Variants in PDZRN4 observed in about 807,000 individuals in gnomAD.
The protein encoded by PDZRN4 is PDZ domain-containing RING finger protein 4.
Under a neutral mutation model 99.0 loss-of-function variants are expected in PDZRN4, and 70 were observed. The ratio of observed to expected loss-of-function variants is 0.71; its 90% CI spans 0.58 to 0.86. The LOEUF (loss-of-function observed/expected upper bound fraction) is 0.86. PDZRN4 is among the 40% of genes least tolerant of loss of function. The pLI, the probability that PDZRN4 is intolerant of heterozygous loss-of-function variation, is 0.00. For missense variants in PDZRN4, 1,474 were observed against 1,331.2 expected, an observed-to-expected ratio of 1.11 and a Z score of -1.67; for synonymous variants, 551 against 501.6, an observed-to-expected ratio of 1.10 and a Z score of -1.32.
At chr12:41,485,345 A>T (rs772386562) in intron 3 of PDZRN4, among the ~76,000 whole-genome samples, 1 of 152,152 alleles carries the variant, frequency 6.6e-6, no homozygotes, top group South Asian at 2.1e-4. Flanking sequence ...ACCTATCCTG[A>T]GATGACTAGA....
chr12:41,379,608 A>G (rs548645582), intron 3 of PDZRN4, among the ~76,000 whole-genome samples: 3 of 151,772 alleles, frequency 2.0e-5, no homozygotes, highest in East Asian at 3.9e-4. Flanking sequence ...TTATTTAAAT[A>G]TCTCTTGTTT....
chr12:41,307,466 T>A (rs1951578733), intron 3 of PDZRN4, among the ~76,000 whole-genome samples: 1 of 152,184 alleles, frequency 6.6e-6, no homozygotes, highest in Non-Finnish European at 1.5e-5. Flanking sequence ...ATGGCCTCAT[T>A]GAAACCTAAT....
chr12:41,309,752 G>A (rs1951594535), intron 3 of PDZRN4, among the ~76,000 whole-genome samples: 1 of 151,998 alleles, frequency 6.6e-6, no homozygotes, highest in Admixed American at 6.6e-5. Flanking sequence ...GCAGCATCAG[G>A]TAATACTGAA....
At chr12:41,490,088 G>T (rs1030254605) in intron 3 of PDZRN4, among the ~76,000 whole-genome samples, 1 of 151,972 alleles carries the variant, frequency 6.6e-6, no homozygotes, top group Non-Finnish European at 1.5e-5. Context: ...ACCAATATTT[G>T]CCTCTTATTT....
intron 5 of PDZRN4, 118 bp from the exon 6 acceptor site, chr12:41,552,538 T>G: frequency 1.6e-6 from 1 of 640,000 alleles, no homozygotes; most frequent in East Asian, 2.9e-5. Context: ...TAATTTCCAA[T>G]GTTGGGCAAT....
intron 3 of PDZRN4, among the ~76,000 whole-genome samples, chr12:41,267,587 T>C (rs561571156): frequency 2.0e-5 from 3 of 151,542 alleles, no homozygotes; most frequent in Admixed American, 2.0e-4. Context: ...CCCAGCACTT[T>C]GGGAGGCCAA....
At chr12:41,377,597 G>A (rs1409275476) in intron 3 of PDZRN4, among the ~76,000 whole-genome samples, 3 of 152,092 alleles carry the variant, frequency 2.0e-5, no homozygotes, top group Admixed American at 6.5e-5. Context: ...CCAGGAGGCG[G>A]AGCTTGCAGC....
chr12:41,193,501 G>A (rs778819291), intron 2 of PDZRN4, among the ~76,000 whole-genome samples: 3 of 152,116 alleles, frequency 2.0e-5, no homozygotes, highest in Non-Finnish European at 2.9e-5. Flanking sequence ...AATATGTAAC[G>A]ATGAGTTTGC....
intron 3 of PDZRN4, among the ~76,000 whole-genome samples, chr12:41,365,023 C>T (rs748917083): frequency 6.6e-5 from 10 of 152,032 alleles, no homozygotes; most frequent in Non-Finnish European, 1.3e-4. Flanking sequence ...TAGCAGTGAC[C>T]CACATGCCTA....
At chr12:41,220,222 G>A (rs1303948742) in intron 3 of PDZRN4, among the ~76,000 whole-genome samples, 4 of 152,102 alleles carry the variant, frequency 2.6e-5, no homozygotes, top group African/African-American at 9.7e-5. Context: ...CCAAGATCAA[G>A]TGTCGGCTGG....
intron 5 of PDZRN4, among the ~76,000 whole-genome samples, chr12:41,546,479 G>A (rs550987632): frequency 5.1e-4 from 78 of 152,224 alleles, no homozygotes; most frequent in African/African-American, 1.9e-3. Context: ...CATACTGTAC[G>A]ATCTCAGTCC....
chr12:41,344,969 A>G (rs7959175), intron 3 of PDZRN4, among the ~76,000 whole-genome samples: 58,865 of 151,808 alleles, frequency 0.39, 11,491 homozygotes, highest in African/African-American at 0.42. Flanking sequence ...AAAAGAAAAG[A>G]GCCATTAAAC....
intron 3 of PDZRN4, among the ~76,000 whole-genome samples, chr12:41,358,901 T>C (rs559596035): frequency 6.6e-6 from 1 of 152,074 alleles, no homozygotes; most frequent in East Asian, 1.9e-4. Context: ...TTCTACTGGG[T>C]TCCATTACTA....
intron 8 of PDZRN4, among the ~76,000 whole-genome samples, chr12:41,566,654 T>C (rs892622887): frequency 6.6e-6 from 1 of 152,212 alleles, no homozygotes; most frequent in Non-Finnish European, 1.5e-5. Context: ...ATAAAGATGA[T>C]ACCTGTATGC....
chr12:41,505,439 T>G (rs981483044), intron 3 of PDZRN4, among the ~76,000 whole-genome samples: 4 of 152,116 alleles, frequency 2.6e-5, no homozygotes, highest in African/African-American at 9.7e-5. Flanking sequence ...TAAAAGGCTG[T>G]GTTATCAGGA....
chr12:41,320,490 C>T (rs1951668625), intron 3 of PDZRN4, among the ~76,000 whole-genome samples: 1 of 152,162 alleles, frequency 6.6e-6, no homozygotes, highest in African/African-American at 2.4e-5. Flanking sequence ...TGTTAGAACA[C>T]AGGATAAAAC....
intron 3 of PDZRN4, among the ~76,000 whole-genome samples, chr12:41,340,492 A>T (rs1951808025): frequency 1.3e-5 from 2 of 151,912 alleles, no homozygotes; most frequent in Non-Finnish European, 2.9e-5. Flanking sequence ...AAATATAATT[A>T]GATGTAATGA....
chr12:41,234,456 A>T (rs1413261274), intron 3 of PDZRN4, among the ~76,000 whole-genome samples: 4 of 152,090 alleles, frequency 2.6e-5, no homozygotes, highest in African/African-American at 9.7e-5. Flanking sequence ...ATAAAAAGGG[A>T]CTTCCATAAT....
At chr12:41,247,000 C>G (rs1591983664) in intron 3 of PDZRN4, among the ~76,000 whole-genome samples, 1 of 152,114 alleles carries the variant, frequency 6.6e-6, no homozygotes, top group Non-Finnish European at 1.5e-5. Flanking sequence ...ATTCATCCAT[C>G]CCTTTCTTCC....
Sources: gnomAD v4.1 joint callset for allele counts (sites outside exome capture counted in the v4.1 genomes callset) on GRCh38, gnomAD v4.1.1 for gene constraint, MANE v1.5 for transcripts, NCBI Gene and HGNC (gene_info 2026-07-23, HGNC 2026-07-21) for gene names.